RARB: variants seen among roughly 807,000 people sequenced by gnomAD.
RARB encodes the protein HBV-activated protein.
In RARB, 17 loss-of-function variants were observed where a neutral mutation model predicts 51.9. That is an observed-to-expected ratio of 0.33 (90% CI 0.22 to 0.49). The LOEUF is 0.49. Among genes scored for constraint, RARB ranks in the 20% least tolerant of loss-of-function variants. The pLI, the probability that RARB is intolerant of heterozygous loss-of-function variation, is 0.99. For missense variants in RARB, 369 were observed against 550.8 expected (o/e 0.67, Z 3.30); for synonymous variants, 215 against 195.4 (o/e 1.10, Z -0.84).
chr3:24,965,504 G>C (rs568467879), intron 2 of RARB, among the ~76,000 whole-genome samples: 1 of 152,266 alleles, frequency 6.6e-6, no homozygotes, highest in Admixed American at 6.5e-5. Flanking sequence ...TCATCATGGA[G>C]AGGTGATATT....
chr3:24,919,652 T>A (rs556434356), intron 2 of RARB, among the ~76,000 whole-genome samples: 4 of 152,344 alleles, frequency 2.6e-5, no homozygotes, highest in South Asian at 2.1e-4. Context: ...TTAAACTGTT[T>A]AGTAGGATTT....
chr3:25,522,573 C>G (rs947409957), intron 3 of RARB, among the ~76,000 whole-genome samples: 9 of 152,102 alleles, frequency 5.9e-5, no homozygotes, highest in Non-Finnish European at 1.0e-4. Context: ...AAAGTGTTGC[C>G]TGCTTGTTTG....
chr3:25,530,987 A>G (rs1188050474), intron 3 of RARB, among the ~76,000 whole-genome samples: 1 of 152,206 alleles, frequency 6.6e-6, no homozygotes, highest in Non-Finnish European at 1.5e-5. Context: ...TTGAATGCAT[A>G]TAGTTTTTGT....
chr3:25,595,687 T>TG (rs924638373), intron 7 of RARB, among the ~76,000 whole-genome samples: 11 of 152,230 alleles, frequency 7.2e-5, no homozygotes, highest in African/African-American at 2.7e-4. Flanking sequence ...CTCGAGCACT[T>TG]GAAGTGTGGC....
intron 4 of RARB, among the ~76,000 whole-genome samples, chr3:25,169,974 C>T (rs932500075): frequency 1.1e-4 from 14 of 132,804 alleles, no homozygotes; most frequent in Admixed American, 5.8e-4. Flanking sequence ...GGTGACAGAG[C>T]GACACCTTAT....
At chr3:25,057,602 C>T (rs764377455) in intron 2 of RARB, among the ~76,000 whole-genome samples, 4 of 151,972 alleles carry the variant, frequency 2.6e-5, no homozygotes, top group African/African-American at 9.7e-5. Context: ...GAAAGACTTA[C>T]TCATTTGTGG....
At chr3:25,406,595 A>T (rs1216759675) in intron 5 of RARB, among the ~76,000 whole-genome samples, 2 of 152,178 alleles carry the variant, frequency 1.3e-5, no homozygotes, top group East Asian at 3.8e-4. Flanking sequence ...TTAGGACTCC[A>T]CCCTAACACC....
rs926699419 is a variant in RARB at position 25,169,848 on chromosome 3, C to T, written c.-279-4271C>T. The stretch of plus-strand genomic sequence containing the variant: ...ACAAAAAATACAAAAATTAGCTGGG[C>T]CTGGTGACACACACCTATAGTTCCA... On this transcript the variant is annotated intron_variant, in intron 4 of 11. Transcript: ENST00000383772. Among the ~76,000 whole-genome samples the T allele has an allele frequency of 3.9e-5, 6 of 151,976 alleles. No homozygotes were observed. The South Asian group carries it at 1.0e-3, about 26-fold the overall frequency.
At chr3:25,203,545 G>A (rs544933052) in intron 5 of RARB, among the ~76,000 whole-genome samples, 3 of 152,112 alleles carry the variant, frequency 2.0e-5, no homozygotes, top group African/African-American at 4.8e-5. Flanking sequence ...TTTACAATTC[G>A]GCATGTTTTT....
intron 5 of RARB, among the ~76,000 whole-genome samples, chr3:25,381,654 A>G (rs1706629133): frequency 6.6e-6 from 1 of 152,190 alleles, no homozygotes; most frequent in Admixed American, 6.5e-5. Flanking sequence ...ATGTGTGCAT[A>G]TGGAATGAAG....
At chr3:25,556,178 C>T (rs1700051164) in intron 3 of RARB, among the ~76,000 whole-genome samples, 1 of 152,106 alleles carries the variant, frequency 6.6e-6, no homozygotes, top group Non-Finnish European at 1.5e-5. Flanking sequence ...AATTAAAGTT[C>T]TGTAGGCCAC....
chr3:25,346,189 A>G (rs1384276329), intron 5 of RARB, among the ~76,000 whole-genome samples: 1 of 152,078 alleles, frequency 6.6e-6, no homozygotes, highest in East Asian at 1.9e-4. Context: ...TAATCTCTCC[A>G]TGTCTCTAAA....
chr3:25,425,181 T>G (rs918669681), upstream of RARB, among the ~76,000 whole-genome samples: 5 of 152,322 alleles, frequency 3.3e-5, no homozygotes, highest in East Asian at 9.7e-4. Context: ...GGCTAATGTT[T>G]AAAATGGGTG....
chr3:25,203,950 T>C (rs990465270), intron 5 of RARB, among the ~76,000 whole-genome samples: 1 of 152,164 alleles, frequency 6.6e-6, no homozygotes, highest in Non-Finnish European at 1.5e-5. Context: ...GAGTTCTGTG[T>C]ATTTCCTGAA....
chr3:25,188,318 T>C (rs980019966), intron 5 of RARB, among the ~76,000 whole-genome samples: 16 of 152,148 alleles, frequency 1.1e-4, no homozygotes, highest in Admixed American at 9.8e-4. Flanking sequence ...ATGTTTGTTG[T>C]ATAAATAAAT....
At chr3:25,203,293 C>A (rs1326378501) in intron 5 of RARB, among the ~76,000 whole-genome samples, 3 of 152,148 alleles carry the variant, frequency 2.0e-5, no homozygotes, top group Admixed American at 6.5e-5. Context: ...GGTAGATCTT[C>A]CTCCATCCCT....
chr3:25,317,472 C>A lies in RARB; in HGVS notation c.178+142897C>A, dbSNP rs1704458023. ...TGAACAGCAAAGACTTCATATCCAG[C>A]ATTATAATAAAGCTAGTCTCATTTC... On this transcript the variant is annotated intron_variant, in intron 5 of 11. Transcript: ENST00000383772. 3.3e-5 allele frequency among the ~76,000 whole-genome samples: 5 copies of A among 152,190 alleles called. No individual in the cohort carries two copies. The South Asian group carries it at 1.0e-3, about 32-fold the overall frequency.
chr3:25,397,887 G>GA (rs11370692), intron 5 of RARB, among the ~76,000 whole-genome samples: 124,840 of 148,942 alleles, frequency 0.84, 52,478 homozygotes, highest in East Asian at 1. Context: ...GTTTTGATTA[G>GA]AAAAAAAAAA....
At chr3:24,866,939 G>T (rs1235673652) in intron 2 of RARB, among the ~76,000 whole-genome samples, 1 of 152,032 alleles carries the variant, frequency 6.6e-6, no homozygotes, top group Non-Finnish European at 1.5e-5. Flanking sequence ...TTGACTGGGG[G>T]TACAATCACA....
Sources: gnomAD v4.1 joint callset for allele counts (sites outside exome capture counted in the v4.1 genomes callset) on GRCh38, gnomAD v4.1.1 for gene constraint, MANE v1.5 for transcripts, NCBI Gene and HGNC (gene_info 2026-07-23, HGNC 2026-07-21) for gene names.